The following TMEM178A variants were observed in gnomAD, a reference collection of about 807,000 sequenced individuals.
TMEM178A encodes the protein transmembrane protein 178.
A neutral mutation model predicts 29.1 loss-of-function variants in TMEM178A; 12 were observed. The ratio of observed to expected loss-of-function variants is 0.41; its 90% CI spans 0.26 to 0.67. The LOEUF (loss-of-function observed/expected upper bound fraction) is 0.67, where lower values mean the gene tolerates loss of function less well. Among genes scored for constraint, TMEM178A ranks in the 30% least tolerant of loss-of-function variants. The probability of loss-of-function intolerance (pLI) is 0.29; values close to 1 mark genes in which losing one functional copy is unlikely to be tolerated. For synonymous variants in TMEM178A, 210 were observed against 187.2 expected (o/e 1.12, Z -0.99); for missense variants, 366 against 419.1 (o/e 0.87, Z 1.11).
At chr2:39,667,650 A>G (rs1056127933) in intron 1 of TMEM178A, among the ~76,000 whole-genome samples, 1 of 152,174 alleles carries the variant, frequency 6.6e-6, no homozygotes, top group African/African-American at 2.4e-5. Flanking sequence ...TAGTTGGCGG[A>G]TTCTTCATTT....
chr2:39,734,928 C>T, the TMEM178A span, among the ~76,000 whole-genome samples: 1 of 152,184 alleles, frequency 6.6e-6, no homozygotes, highest in Non-Finnish European at 1.5e-5. Context: ...GTGCCTCCTA[C>T]CAACACGACT....
chr2:39,729,710 G>A, the TMEM178A span, among the ~76,000 whole-genome samples: 11 of 152,144 alleles, frequency 7.2e-5, no homozygotes, highest in Non-Finnish European at 1.2e-4. Context: ...CTGTAAGTTA[G>A]GGTTTAAACT....
At chr2:39,721,659 G>A (rs190771378), downstream of TMEM178A, among the ~76,000 whole-genome samples, 14 of 152,068 alleles carry the variant, frequency 9.2e-5, no homozygotes, top group East Asian at 2.7e-3. Context: ...GAAAACAAAC[G>A]GCCTAAAAAA....
intron 1 of TMEM178A, among the ~76,000 whole-genome samples, chr2:39,700,903 G>C (rs1388267591): frequency 6.7e-6 from 1 of 149,868 alleles, no homozygotes; most frequent in African/African-American, 2.5e-5. Flanking sequence ...AATCTAGTTT[G>C]GATTAATACC....
rs1670127701 is a variant in TMEM178A, at chr2:39,665,947, A to G, written c.-28A>G. The G allele has an allele frequency of 1.5e-6, 2 of 1,344,596 alleles. No homozygotes were observed. Among genetic ancestry groups the G allele is most frequent in the Non-Finnish European group, 1.9e-6 (2 of 1,050,894 alleles). The allele number at this position is 1,344,596 out of a possible 1,614,324, so 83.3% of individuals were successfully genotyped here. ...GTGTCTGGCGGCGGCGCGCGAGCCC[A>G]CCGGCGGCTGCGGCGGGGCGGGAAG... On this transcript the variant is annotated 5_prime_UTR_variant, in exon 1 of 4. Coordinates refer to ENST00000281961, the MANE Select transcript of TMEM178A (RefSeq NM_152390.3).
chr2:39,666,225 G>A lies in TMEM178A; in HGVS notation c.251G>A (p.Arg84His). ...GRRLLPGGPG[R>H]ADPESWRSLL... Reference sequence around the variant, plus strand: ...CGGCTGCTCCCGGGCGGCCCGGGGCGCGCCGACCCCGAGTCCTGGCGCTCG... The same window carrying A: ...CGGCTGCTCCCGGGCGGCCCGGGGCACGCCGACCCCGAGTCCTGGCGCTCG... Residue 84 changes from arginine to histidine, a missense_variant, in exon 1 of 4, where the codon CGC becomes CAC. By Grantham distance (29) the Arg-to-His change is conservative. Around this residue, in one of 2 missense-constraint regions of TMEM178A, gnomAD observed 247 missense variants for 246.8 expected, o/e 1.00. Coordinates refer to ENST00000281961, the MANE Select transcript of TMEM178A (RefSeq NM_152390.3). 6 of 1,345,952 alleles carry A rather than the reference G, an allele frequency of 4.5e-6. No homozygotes were observed. The highest frequency in any genetic ancestry group is 1.9e-5 in the South Asian group (1 of 51,694). 83.4% of individuals were successfully genotyped at this position (1,345,952 alleles called of 1,614,324 possible).
chr2:39,685,472 C>T (rs1671038123), intron 1 of TMEM178A, among the ~76,000 whole-genome samples: 1 of 152,170 alleles, frequency 6.6e-6, no homozygotes, highest in Non-Finnish European at 1.5e-5. Flanking sequence ...TGCCCCTGTC[C>T]TTCTCTAGAC....
In TMEM178A at chr2:39,717,181, G is replaced by T; in HGVS notation, c.824G>T (p.Cys275Phe). 1 of 1,613,292 alleles carries T rather than the reference G, an allele frequency of 6.2e-7. No homozygotes were observed. Among genetic ancestry groups the T allele is most frequent in the Non-Finnish European group, 8.5e-7 (1 of 1,179,888 alleles). The stretch of plus-strand genomic sequence containing the variant: ...TTTATTGTGGCAGCTGGAGGTCTCT[G>T]CATCGCTTATCCGTTTATTAGCCGG... Reference protein sequence around the residue: ...LGFIVAAGGLCIAYPFISRTK... With the variant: ...LGFIVAAGGLFIAYPFISRTK... Residue 275 changes from cysteine to phenylalanine, a missense_variant, in exon 4 of 4, where the codon TGC becomes TTC. This residue lies in a region of TMEM178A where 119 missense variants were observed against 172.2 expected (regional missense o/e 0.69). Coordinates refer to ENST00000281961, the MANE Select transcript of TMEM178A (RefSeq NM_152390.3).
chr2:39,693,101 G>A (rs577066063), intron 1 of TMEM178A, among the ~76,000 whole-genome samples: 1 of 152,192 alleles, frequency 6.6e-6, no homozygotes, highest in East Asian at 1.9e-4. Flanking sequence ...GCAATAGAGC[G>A]AGACTCTGTT....
chr2:39,692,459 G>T (rs1041908067), intron 1 of TMEM178A, among the ~76,000 whole-genome samples: 1 of 152,056 alleles, frequency 6.6e-6, no homozygotes, highest in Non-Finnish European at 1.5e-5. Flanking sequence ...AATAAAAATG[G>T]CTAAGATGGT....
intron 1 of TMEM178A, among the ~76,000 whole-genome samples, chr2:39,672,802 G>T (rs1228898539): frequency 2.0e-5 from 3 of 152,194 alleles, no homozygotes; most frequent in African/African-American, 7.2e-5. Flanking sequence ...CTCCCAAAGT[G>T]TTGGGATTAC....
At chr2:39,708,627 C>T (rs1255087201) in intron 3 of TMEM178A, among the ~76,000 whole-genome samples, 1 of 151,300 alleles carries the variant, frequency 6.6e-6, no homozygotes, top group Non-Finnish European at 1.5e-5. Context: ...CCGTGTTAGC[C>T]AGGATGGTCT....
chr2:39,717,484 T>C lies in TMEM178A; in HGVS notation c.*233T>C. 1 of 444,026 alleles carries C rather than the reference T, an allele frequency of 2.3e-6. No homozygotes were observed. Among genetic ancestry groups the C allele is most frequent in the Non-Finnish European group, 3.8e-6 (1 of 260,538 alleles). The allele number at this position is 444,026 out of a possible 1,614,324, so 27.5% of individuals were successfully genotyped here. A position where few individuals can be genotyped will look rare whatever the true frequency, so the allele number is the denominator to read the frequency against. Reference sequence around the variant, plus strand: ...CGTTGACTGTGAGAATAGGGAGCAGTGCCATGGGACATTTCTAGGTGTAGA... The same window carrying C: ...CGTTGACTGTGAGAATAGGGAGCAGCGCCATGGGACATTTCTAGGTGTAGA... On this transcript the variant is annotated 3_prime_UTR_variant, in exon 4 of 4. Coordinates refer to ENST00000281961, the MANE Select transcript of TMEM178A (RefSeq NM_152390.3).
At chr2:39,718,722 G>C (rs1250275969), downstream of TMEM178A, among the ~76,000 whole-genome samples, 1 of 151,912 alleles carries the variant, frequency 6.6e-6, no homozygotes, top group Non-Finnish European at 1.5e-5. Flanking sequence ...TGTGGGTTTG[G>C]GACAACAGTT....
the TMEM178A span, among the ~76,000 whole-genome samples, chr2:39,735,233 C>G: frequency 6.6e-6 from 1 of 152,138 alleles, no homozygotes; most frequent in African/African-American, 2.4e-5. Context: ...CCGCAGTATC[C>G]ACTATATGCC....
chr2:39,732,856 C>A, the TMEM178A span, among the ~76,000 whole-genome samples: 1 of 152,140 alleles, frequency 6.6e-6, no homozygotes, highest in East Asian at 1.9e-4. Context: ...AGCAGCAAAT[C>A]CAAAGCTCAT....
rs545426625 is a variant in TMEM178A, at chr2:39,711,381, T to G, written c.652+4195T>G. 7.9e-5 allele frequency among the ~76,000 whole-genome samples: 12 copies of G among 152,334 alleles called. No homozygotes were observed. The South Asian group carries it at 2.5e-3, about 32-fold the overall frequency. On this transcript the variant is annotated intron_variant, in intron 3 of 3. Transcript: ENST00000281961. ...ACTTTTTAAGGTCTCTGTTGTAGGA[T>G]TTTTAGTATTTTTTAATTCACCAGG... is the stretch of plus-strand genomic sequence containing the variant.
rs769247647 is a variant in TMEM178A at position 39,704,194 on chromosome 2, C to T, written c.514C>T (p.His172Tyr). The T allele has an allele frequency of 4.3e-6, 7 of 1,612,992 alleles. No homozygotes were observed. The highest frequency in any genetic ancestry group is 2.2e-5 in the East Asian group (1 of 44,890). The part of the protein sequence containing the change: ...TIQQDEWHLL[H>Y]LRRITAGFLG... Reference sequence around the variant, plus strand: ...ACAGCAAGATGAGTGGCACCTGCTTCGTAAGTATTTCCAGGAGAGGTTCAG... The same window carrying T: ...ACAGCAAGATGAGTGGCACCTGCTTTGTAAGTATTTCCAGGAGAGGTTCAG... Residue 172 changes from histidine (H) to tyrosine (Y), a missense_variant and splice_region_variant, in exon 2 of 4, where the codon CAT (histidine) becomes TAT (tyrosine). His to Tyr is a moderately conservative substitution (Grantham distance 83, BLOSUM62 2). This residue lies in a region of TMEM178A where 119 missense variants were observed against 172.2 expected (regional missense o/e 0.69). Coordinates refer to ENST00000281961, the MANE Select transcript of TMEM178A (RefSeq NM_152390.3).
chr2:39,688,123 C>T (rs1027160009), intron 1 of TMEM178A, among the ~76,000 whole-genome samples: 4 of 152,218 alleles, frequency 2.6e-5, no homozygotes, highest in Non-Finnish European at 5.9e-5. Flanking sequence ...TTTGGCAGGC[C>T]ATTTAAGTGC....
Sources: gnomAD v4.1 joint callset for allele counts (sites outside exome capture counted in the v4.1 genomes callset) on GRCh38, gnomAD v4.1.1 for gene constraint, gnomAD v4.1.1 regional missense constraint, MANE v1.5 for transcripts, NCBI Gene and HGNC (gene_info 2026-07-23, HGNC 2026-07-21) for gene names.